The following UTRN variants were observed in gnomAD, a reference collection of about 807,000 sequenced individuals.
UTRN encodes dystrophin-related protein 1.
In UTRN, 283 loss-of-function variants were observed where a neutral mutation model predicts 463.9. The ratio of observed to expected loss-of-function variants is 0.61; its 90% CI spans 0.55 to 0.67. The LOEUF is 0.67. UTRN is among the 30% of genes least tolerant of loss of function. The pLI is 0.00. For synonymous variants in UTRN, 1,442 were observed against 1,431.5 expected (o/e 1.01, Z -0.17); for missense variants, 3,922 against 4,084.3 (o/e 0.96, Z 1.08).
intron 51 of UTRN, among the ~76,000 whole-genome samples, chr6:144,635,514 C>CTTTTTTTTTTTTTTTTTTTTTTTTTT (rs1402815648): frequency 7.5e-5 from 6 of 80,030 alleles, no homozygotes; most frequent in Non-Finnish European, 1.3e-4. Flanking sequence ...CTTTTTTTTT[C>CTTTTTTTTTTTTTTTTTTTTTTTTTT]TTTTTTTTTT....
intron 22 of UTRN, 64 bp from the exon 23 acceptor site, chr6:144,462,590 A>C (rs1378712687): frequency 2.8e-6 from 4 of 1,452,746 alleles, no homozygotes; most frequent in Non-Finnish European, 3.7e-6. Flanking sequence ...TATATAGCCC[A>C]TTTTACTATA....
chr6:144,807,401 G>A (rs1463508550), intron 65 of UTRN, among the ~76,000 whole-genome samples: 2 of 151,910 alleles, frequency 1.3e-5, no homozygotes, highest in African/African-American at 2.4e-5. Flanking sequence ...ATTTATATAT[G>A]TATATATAAA....
At position 144,721,247 on chromosome 6, in the gene UTRN, C is replaced by T. The variant is rs912832642; in HGVS notation, c.7810-9110C>T. ...GTTGTTTTGAGACAGTGTCTTGCTC[C>T]GTCGCCTAGGCTGGAATGCAGTGGC... On this transcript the variant is annotated intron_variant, in intron 53 of 74. Coordinates refer to ENST00000367545, the MANE Select transcript of UTRN (RefSeq NM_007124.3). Among the ~76,000 whole-genome samples, 3 of 152,106 alleles carry T rather than the reference C, an allele frequency of 2.0e-5. No individual in the cohort carries two copies. The South Asian group carries it at 6.2e-4, about 32-fold the overall frequency.
chr6:144,331,095 C>G, intron 2 of UTRN: 1 of 871,682 alleles, frequency 1.1e-6, no homozygotes, highest in Non-Finnish European at 1.4e-6. Flanking sequence ...CATGACTCTC[C>G]GCCAATAATT....
At position 144,451,433 on chromosome 6, in the gene UTRN, C is replaced by T. The variant is rs202219436; in HGVS notation, c.2136C>T (p.Thr712=). ...WILKWKTAIQ[T]TEIKEYMKMQ... ...TGAAATGGAAAACTGCCATTCAGAC[C>T]ACAGAGATAAAAGAGTATATGAAGA... The change falls in exon 18 of 75, where the codon ACC becomes ACT. Residue 712 remains threonine (T), a synonymous_variant. Coordinates refer to ENST00000367545, the MANE Select transcript of UTRN (RefSeq NM_007124.3). 1.2e-6 allele frequency: 2 copies of T among 1,612,626 alleles called. No individual in the cohort carries two copies. The highest frequency in any genetic ancestry group is 1.7e-6 in the Non-Finnish European group (2 of 1,179,550).
intron 53 of UTRN, among the ~76,000 whole-genome samples, chr6:144,703,514 G>A (rs1170625423): frequency 6.6e-6 from 1 of 152,142 alleles, no homozygotes; most frequent in East Asian, 1.9e-4. Context: ...AATGAGCCCT[G>A]AGGAGCCACA....
intron 53 of UTRN, among the ~76,000 whole-genome samples, chr6:144,725,965 T>C (rs1458549728): frequency 2.6e-5 from 4 of 152,176 alleles, no homozygotes; most frequent in East Asian, 3.9e-4. Flanking sequence ...CTTCCCTACA[T>C]TGGCATATCA....
chr6:144,318,476 A>G (rs141770189), intron 2 of UTRN, among the ~76,000 whole-genome samples: 4 of 149,522 alleles, frequency 2.7e-5, no homozygotes, highest in Non-Finnish European at 4.5e-5. Context: ...ATTTTATTTT[A>G]TTTTTGAGAC....
chr6:144,677,554 T>A (rs1019931163), intron 51 of UTRN, among the ~76,000 whole-genome samples: 2 of 152,212 alleles, frequency 1.3e-5, no homozygotes, highest in African/African-American at 4.8e-5. Context: ...TTTGTTACTG[T>A]AAATAGTGCT....
At chr6:144,676,095 A>C (rs536619190) in intron 51 of UTRN, among the ~76,000 whole-genome samples, 3 of 152,112 alleles carry the variant, frequency 2.0e-5, no homozygotes, top group African/African-American at 7.2e-5. Flanking sequence ...ATATAAATAA[A>C]TTATTGAAAT....
At chr6:144,534,335 T>C (rs1205965243) in intron 43 of UTRN, among the ~76,000 whole-genome samples, 3 of 152,168 alleles carry the variant, frequency 2.0e-5, no homozygotes, top group East Asian at 1.9e-4. Flanking sequence ...AAACTGAGGC[T>C]AAGAGAGGCG....
In UTRN at chr6:144,625,474, G is replaced by A. The variant is rs549647126; in HGVS notation, c.7479+48186G>A. On this transcript the variant is annotated intron_variant, in intron 51 of 74. Transcript: ENST00000367545. ...TACCTGCGACTTCTTGACTTTGTTG[G>A]TTTTCAGAATTAAAAACTTGAAAGA... Among the ~76,000 whole-genome samples the A allele has an allele frequency of 5.3e-5, 8 of 152,176 alleles. No homozygotes were observed. The East Asian group carries it at 9.7e-4, about 18-fold the overall frequency.
At chr6:144,749,116 C>G (rs1346663466) in intron 55 of UTRN, among the ~76,000 whole-genome samples, 1 of 151,734 alleles carries the variant, frequency 6.6e-6, no homozygotes, top group Non-Finnish European at 1.5e-5. Context: ...AGGAATTGCC[C>G]AAAGCTATGG....
intron 54 of UTRN, among the ~76,000 whole-genome samples, chr6:144,747,181 G>A (rs548461355): frequency 2.6e-5 from 4 of 152,206 alleles, no homozygotes; most frequent in Middle Eastern, 3.2e-3. Context: ...CTAATGTGAT[G>A]TGTACTGAAA....
At chr6:144,440,226 G>A (rs1787013990) in intron 12 of UTRN, 126 bp from the exon 13 acceptor site, 1 of 919,668 alleles carries the variant, frequency 1.1e-6, no homozygotes, top group Admixed American at 2.2e-5. Context: ...AACAGTTAGG[G>A]TAATGATTGG....
chr6:144,683,525 G>A (rs1010130550), intron 52 of UTRN, among the ~76,000 whole-genome samples: 1 of 152,146 alleles, frequency 6.6e-6, no homozygotes, highest in Non-Finnish European at 1.5e-5. Flanking sequence ...GGAGCACACT[G>A]TTCAGCCCTA....
chr6:144,517,750 T>A lies in UTRN; in HGVS notation c.5541+802T>A, dbSNP rs117513680. Among the ~76,000 whole-genome samples, 19 of 152,334 alleles carry A rather than the reference T, an allele frequency of 1.2e-4. No individual in the cohort carries two copies. The East Asian group carries it at 3.7e-3, about 29-fold the overall frequency. On this transcript the variant is annotated intron_variant, in intron 39 of 74. Coordinates refer to ENST00000367545, the MANE Select transcript of UTRN (RefSeq NM_007124.3). ...AGTACAATAACGTGCTGTAAAGTTT[T>A]AGCCTAGGAGCAATTGACTATACCA...
At chr6:144,770,170 A>G (rs1793847182) in intron 58 of UTRN, among the ~76,000 whole-genome samples, 1 of 152,186 alleles carries the variant, frequency 6.6e-6, no homozygotes, top group African/African-American at 2.4e-5. Flanking sequence ...AGATCTTCAC[A>G]TTGTAGTTAC....
chr6:144,331,711 C>T (rs890587403), intron 2 of UTRN, among the ~76,000 whole-genome samples: 4 of 152,136 alleles, frequency 2.6e-5, no homozygotes, highest in African/African-American at 7.2e-5. Flanking sequence ...GATTCAGCAG[C>T]GTGGTAAGAC....
Sources: gnomAD v4.1 joint callset for allele counts (sites outside exome capture counted in the v4.1 genomes callset) on GRCh38, gnomAD v4.1.1 for gene constraint, MANE v1.5 for transcripts, NCBI Gene and HGNC (gene_info 2026-07-23, HGNC 2026-07-21) for gene names.